The following SH3RF2 variants were observed in gnomAD, a reference collection of about 807,000 sequenced individuals.
SH3RF2 encodes the protein E3 ubiquitin-protein ligase SH3RF2.
In SH3RF2, 43 loss-of-function variants were observed where a neutral mutation model predicts 59.0. The observed-to-expected ratio is 0.73, with a 90% CI of 0.57 to 0.94. The LOEUF (loss-of-function observed/expected upper bound fraction) is 0.94. Among genes scored for constraint, SH3RF2 ranks in the 40% least tolerant of loss-of-function variants. The probability of loss-of-function intolerance (pLI) is 0.00; values close to 1 mark genes in which losing one functional copy is unlikely to be tolerated. For missense variants in SH3RF2, 930 were observed against 940.1 expected (o/e 0.99, Z 0.14); for synonymous variants, 391 against 391.5 (o/e 1.00, Z 0.01).
chr5:145,968,244 A>G (rs1758941662), intron 2 of SH3RF2, among the ~76,000 whole-genome samples: 1 of 152,222 alleles, frequency 6.6e-6, no homozygotes, highest in Admixed American at 6.5e-5. Context: ...TTATGCCCAG[A>G]TGCTCAAACA....
chr5:146,077,422 A>G (rs1423714818), intron 9 of SH3RF2, among the ~76,000 whole-genome samples: 1 of 152,164 alleles, frequency 6.6e-6, no homozygotes, highest in African/African-American at 2.4e-5. Context: ...ATAATTTCAG[A>G]CTTTTATAAA....
At chr5:145,945,003 C>G (rs1342738663) in intron 2 of SH3RF2, among the ~76,000 whole-genome samples, 1 of 152,134 alleles carries the variant, frequency 6.6e-6, no homozygotes, top group African/African-American at 2.4e-5. Context: ...AGAAACCAGT[C>G]AAGACTAATT....
At chr5:145,991,240 T>C (rs1273556888) in intron 2 of SH3RF2, among the ~76,000 whole-genome samples, 1 of 152,178 alleles carries the variant, frequency 6.6e-6, no homozygotes, top group Non-Finnish European at 1.5e-5. Context: ...TGTGACCTTG[T>C]TTGGTGACAT....
intron 2 of SH3RF2, among the ~76,000 whole-genome samples, chr5:145,970,581 T>C (rs1000121842): frequency 4.6e-5 from 7 of 152,226 alleles, no homozygotes; most frequent in African/African-American, 1.7e-4. Flanking sequence ...GCTATAAACA[T>C]GCATGTGATG....
chr5:146,044,674 G>A (rs981670557), intron 5 of SH3RF2, among the ~76,000 whole-genome samples: 3 of 151,788 alleles, frequency 2.0e-5, no homozygotes, highest in Non-Finnish European at 2.9e-5. Flanking sequence ...CTGTCCCTCT[G>A]CAGCTATCGT....
chr5:145,970,427 C>G (rs188333198), intron 2 of SH3RF2, among the ~76,000 whole-genome samples: 1 of 152,320 alleles, frequency 6.6e-6, no homozygotes, highest in East Asian at 1.9e-4. Flanking sequence ...CCAACTCCAT[C>G]CAGGTTGCTG....
chr5:145,969,206 A>G (rs1367945162), intron 2 of SH3RF2, among the ~76,000 whole-genome samples: 1 of 152,246 alleles, frequency 6.6e-6, no homozygotes, highest in Non-Finnish European at 1.5e-5. Flanking sequence ...TATAGAGGCT[A>G]TGAAAAGGAA....
intron 3 of SH3RF2, among the ~76,000 whole-genome samples, chr5:146,001,406 T>G (rs1405330347): frequency 6.6e-6 from 1 of 152,228 alleles, no homozygotes; most frequent in Non-Finnish European, 1.5e-5. Flanking sequence ...CTTCAGGTTT[T>G]CTCAAACTAG....
chr5:146,007,214 C>T (rs1165543240), intron 4 of SH3RF2, among the ~76,000 whole-genome samples: 2 of 152,078 alleles, frequency 1.3e-5, no homozygotes, highest in African/African-American at 4.8e-5. Context: ...GTGGGAGGAA[C>T]GATTTGAAGA....
chr5:146,049,192 G>T lies in SH3RF2; in HGVS notation c.1269G>T (p.Leu423Phe), dbSNP rs753708354. 2 of 1,613,946 alleles carry T rather than the reference G, an allele frequency of 1.2e-6. No individual in the cohort carries two copies. Among genetic ancestry groups the T allele is most frequent in the Admixed American group, 1.7e-5 (1 of 59,974 alleles). Residue 423 changes from leucine to phenylalanine, a missense_variant, in exon 7 of 10, where the codon TTG becomes TTT. Leu to Phe is a conservative substitution (Grantham distance 22). Coordinates refer to ENST00000359120, the MANE Select transcript of SH3RF2 (RefSeq NM_152550.4). The stretch of plus-strand genomic sequence containing the variant: ...ACGGCTGGCTCAGGGGCGTCTCCTT[G>T]GTCACCGGGCGAGTCGGCATCTTCC... ...CQDGWLRGVS[L>F]VTGRVGIFPN...
intron 9 of SH3RF2, among the ~76,000 whole-genome samples, chr5:146,070,436 A>G (rs1442955819): frequency 6.6e-6 from 1 of 152,198 alleles, no homozygotes; most frequent in Non-Finnish European, 1.5e-5. Context: ...GCACAGAGAA[A>G]TCCAAAAAGC....
chr5:146,066,432 A>G (rs1763107843), downstream of SH3RF2, among the ~76,000 whole-genome samples: 1 of 152,226 alleles, frequency 6.6e-6, no homozygotes, highest in Admixed American at 6.5e-5. Context: ...ATCTGAGATA[A>G]TGATACAAAG....
intron 4 of SH3RF2, among the ~76,000 whole-genome samples, chr5:146,012,522 T>A (rs1760945493): frequency 6.6e-6 from 1 of 152,220 alleles, no homozygotes; most frequent in Non-Finnish European, 1.5e-5. Flanking sequence ...AGGCTATTAA[T>A]TATTGCCTCA....
chr5:146,064,666 GAAAGAAAGAAAGAAAGAAAGAAAGAA>G (rs1763014512), downstream of SH3RF2, among the ~76,000 whole-genome samples: 1 of 29,496 alleles, frequency 3.4e-5, no homozygotes, highest in Non-Finnish European at 5.2e-5. Context: ...GAGAGAAAGA[GAAAGAAAGAAAGAAAGAAAGAAAGAA>G]AGAAAGAAAG....
At chr5:146,039,808 A>G (rs1329962490) in intron 5 of SH3RF2, among the ~76,000 whole-genome samples, 3 of 152,254 alleles carry the variant, frequency 2.0e-5, no homozygotes, top group African/African-American at 7.2e-5. Context: ...AAAAATGTTC[A>G]TAGTAACATC....
intron 3 of SH3RF2, among the ~76,000 whole-genome samples, chr5:146,000,868 T>A (rs565232565): frequency 6.6e-6 from 1 of 152,338 alleles, no homozygotes; most frequent in South Asian, 2.1e-4. Flanking sequence ...CACCGATACA[T>A]GGACAGAAAA....
chr5:146,065,675 C>T (rs1288726604), downstream of SH3RF2, among the ~76,000 whole-genome samples: 2 of 152,242 alleles, frequency 1.3e-5, no homozygotes, highest in African/African-American at 4.8e-5. Flanking sequence ...CACCCATGTG[C>T]AGCATCAAAC....
At chr5:145,997,433 C>A in intron 2 of SH3RF2, 1 of 1,408,592 alleles carries the variant, frequency 7.1e-7, no homozygotes, top group Non-Finnish European at 1.0e-6. Context: ...ATTATACTGG[C>A]TGGTGCAAGG....
At chr5:145,946,905 G>A (rs1001044722) in intron 2 of SH3RF2, among the ~76,000 whole-genome samples, 1 of 152,116 alleles carries the variant, frequency 6.6e-6, no homozygotes, top group Non-Finnish European at 1.5e-5. Flanking sequence ...TAGAAACATG[G>A]CCCCTGTACT....
Sources: allele counts gnomAD v4.1 joint callset (sites outside exome capture counted in the v4.1 genomes callset), GRCh38; gene constraint gnomAD v4.1.1; transcripts MANE v1.5; gene names NCBI Gene and HGNC (gene_info 2026-07-23, HGNC 2026-07-21).